Variants in AP3B2 observed in about 807,000 individuals in gnomAD.
AP3B2 encodes adaptor related protein complex 3 subunit beta 2, also known as AP-3 complex subunit beta-2.
Under a neutral mutation model 126.9 loss-of-function variants are expected in AP3B2, and 50 were observed. The observed-to-expected ratio is 0.39, with a 90% CI of 0.31 to 0.50. The LOEUF (loss-of-function observed/expected upper bound fraction) is 0.50, where lower values mean the gene tolerates loss of function less well. Ranked by LOEUF, AP3B2 falls within the 20% of genes least tolerant of loss-of-function variation. The probability of loss-of-function intolerance (pLI) is 0.79; values close to 1 mark genes in which losing one functional copy is unlikely to be tolerated. For missense variants in AP3B2, 1,177 were observed against 1,426.4 expected, an observed-to-expected ratio of 0.83 and a Z score of 2.82; for synonymous variants, 541 against 565.0, an observed-to-expected ratio of 0.96 and a Z score of 0.60.
At position 82,680,389 on chromosome 15, in the gene AP3B2, G is replaced by T; in HGVS notation, c.1055+83C>A. 2 of 1,453,664 alleles carry T rather than the reference G, an allele frequency of 1.4e-6. No homozygotes were observed. Among genetic ancestry groups the T allele is most frequent in the Non-Finnish European group, 9.1e-7 (1 of 1,096,680 alleles). The allele number at this position is 1,453,664 out of a possible 1,614,324, so 90.0% of individuals were successfully genotyped here. A position where few individuals can be genotyped will look rare whatever the true frequency, so the allele number is the denominator to read the frequency against. On this transcript the variant is annotated intron_variant, in intron 8 of 26. Transcript: ENST00000535359. The surrounding 1 kb of genome is among the most constrained non-coding windows in gnomAD (Gnocchi z 6.1). Reference sequence around the variant, plus strand: ...GGGTGGGCAGAGGTGGAAGCGGCTGGTGGGCGTGAGGGGGCGGAGCCGGGC... The same window carrying T: ...GGGTGGGCAGAGGTGGAAGCGGCTGTTGGGCGTGAGGGGGCGGAGCCGGGC...
Position 82,680,518 on chromosome 15 carries a change from C to G in AP3B2, c.1009G>C (p.Val337Leu). The G allele has an allele frequency of 6.5e-7, 1 of 1,538,372 alleles. No homozygotes were observed. The highest frequency in any genetic ancestry group is 8.7e-7 in the Non-Finnish European group (1 of 1,148,022). Residue 337 changes from valine (V) to leucine (L), a missense_variant, in exon 8 of 27, where the codon GTG becomes CTG. This residue lies in a region of AP3B2 where 308 missense variants were observed against 452.4 expected (regional missense o/e 0.68). Coordinates refer to ENST00000535359, the MANE Select transcript of AP3B2 (RefSeq NM_001278512.2). This position sits in a 1 kb window ranked among gnomAD's most constrained non-coding sequence, Gnocchi z 6.1. Reference protein sequence around the residue: ...LYFHLAPKAEVGVIAKALVRL... With the variant: ...LYFHLAPKAELGVIAKALVRL... ...ACCAGCGCCTTGGCGATGACGCCCACTTCCGCCTTGGGCGCCAGGTGGAAG... is the reference window on the plus strand; with the variant it reads ...ACCAGCGCCTTGGCGATGACGCCCAGTTCCGCCTTGGGCGCCAGGTGGAAG...
At chr15:82,709,361 C>A (rs1021313155) in intron 1 of AP3B2, among the ~76,000 whole-genome samples, 1 of 152,090 alleles carries the variant, frequency 6.6e-6, no homozygotes, top group Admixed American at 6.5e-5. Flanking sequence ...GCCCATCCCC[C>A]GCCAGCCCCT....
At chr15:82,678,655 G>C (rs927531607) in intron 10 of AP3B2, among the ~76,000 whole-genome samples, 1 of 152,160 alleles carries the variant, frequency 6.6e-6, no homozygotes, top group African/African-American at 2.4e-5. Flanking sequence ...TCAGGCTTCA[G>C]CTCAAGTCTC....
At position 82,665,284 on chromosome 15, in the gene AP3B2, A is replaced by T; in HGVS notation, c.1991T>A (p.Ile664Asn). Residue 664 changes from isoleucine to asparagine, a missense_variant, in exon 17 of 27, where the codon ATT becomes AAT. Ile to Asn is a moderately radical substitution (Grantham distance 149). Coordinates refer to ENST00000535359, the MANE Select transcript of AP3B2 (RefSeq NM_001278512.2). This position sits in a 1 kb window ranked among gnomAD's most constrained non-coding sequence, Gnocchi z 4.4. ...RNVEEEDLSLIETHVGLLGEY... is the reference protein window; with the variant it reads ...RNVEEEDLSLNETHVGLLGEY... ...GCCCAACAGGCCCACGTGAGTCTCAATAAGGGAGAGATCTTCTTCCTGTGT... is the reference window on the plus strand; with the variant it reads ...GCCCAACAGGCCCACGTGAGTCTCATTAAGGGAGAGATCTTCTTCCTGTGT... The T allele has an allele frequency of 6.4e-7, 1 of 1,550,522 alleles. No individual in the cohort carries two copies. The highest frequency in any genetic ancestry group is 8.7e-7 in the Non-Finnish European group (1 of 1,155,116).
intron 1 of AP3B2, among the ~76,000 whole-genome samples, chr15:82,691,527 C>T (rs1459962871): frequency 6.6e-6 from 1 of 151,948 alleles, no homozygotes; most frequent in Non-Finnish European, 1.5e-5. Context: ...TGAACCAAAA[C>T]CACAATTTCT....
At chr15:82,701,154 C>T (rs946156900) in intron 1 of AP3B2, among the ~76,000 whole-genome samples, 1 of 152,186 alleles carries the variant, frequency 6.6e-6, no homozygotes, top group Non-Finnish European at 1.5e-5. Flanking sequence ...AGCCACTGTA[C>T]CCAGTCTCCA....
chr15:82,688,674 C>A (rs781420847), intron 4 of AP3B2, 62 bp downstream of exon 4: 2 of 1,465,692 alleles, frequency 1.4e-6, no homozygotes, highest in South Asian at 2.4e-5. Flanking sequence ...CTCCCCAGGC[C>A]TACTCCTCCG....
Position 82,677,688 on chromosome 15 carries a change from A to C in AP3B2, c.1361T>G (p.Leu454Arg). 1 of 1,570,910 alleles carries C rather than the reference A, an allele frequency of 6.4e-7. No individual in the cohort carries two copies. The highest frequency in any genetic ancestry group is 1.9e-5 in the Admixed American group (1 of 53,718). Residue 454 changes from leucine (L) to arginine (R), a missense_variant, in exon 12 of 27, where the codon CTG becomes CGG. This residue lies in a region of AP3B2 where 308 missense variants were observed against 452.4 expected (regional missense o/e 0.68). Coordinates refer to ENST00000535359, the MANE Select transcript of AP3B2 (RefSeq NM_001278512.2). ...ACACTGACCATCACGGTTGGACAGC[A>C]GCTGCACCAGGCCATTGAGGCAGGT... Reference protein sequence around the residue: ...RDTCLNGLVQLLSNRDELVVA... With the variant: ...RDTCLNGLVQRLSNRDELVVA...
At chr15:82,669,844 A>T (rs2048118458) in intron 14 of AP3B2, among the ~76,000 whole-genome samples, 1 of 149,334 alleles carries the variant, frequency 6.7e-6, no homozygotes, top group Non-Finnish European at 1.5e-5. Flanking sequence ...TCTACTAAAA[A>T]TACAAAATTA....
rs1393212872 is a variant in AP3B2 at position 82,681,171 on chromosome 15, A to G, written c.529T>C (p.Ser177Pro). The G allele has an allele frequency of 6.2e-7, 1 of 1,611,664 alleles. No individual in the cohort carries two copies. Among genetic ancestry groups the G allele is most frequent in the Non-Finnish European group, 8.5e-7 (1 of 1,178,904 alleles). Residue 177 changes from serine (S) to proline (P), a missense_variant, in exon 6 of 27, where the codon TCT (serine) becomes CCT (proline). By Grantham distance (74) the Ser-to-Pro change is moderately conservative. This residue lies in a region of AP3B2 where 130 missense variants were observed against 262.0 expected (regional missense o/e 0.50). Transcript: ENST00000535359. The surrounding 1 kb of genome is among the most constrained non-coding windows in gnomAD (Gnocchi z 4.0). ...HAIPKLYSLD[S>P]DQKDQLIEVI... ...TCTATCAGCTGATCCTTCTGGTCAG[A>G]GTCCAAACTGAGGGAGAAATCGGTG...
At chr15:82,666,292 T>C (rs2048056676) in intron 15 of AP3B2, among the ~76,000 whole-genome samples, 1 of 152,236 alleles carries the variant, frequency 6.6e-6, no homozygotes, top group Non-Finnish European at 1.5e-5. Context: ...GCTGAAGCCC[T>C]GGGGCCTGGG....
chr15:82,677,532 G>T, intron 12 of AP3B2, 139 bp downstream of exon 12: 1 of 1,385,104 alleles, frequency 7.2e-7, no homozygotes, highest in Non-Finnish European at 9.8e-7. Flanking sequence ...AGGAACACTT[G>T]GGCCCTGATC....
At chr15:82,685,723 A>G (rs2048415017) in intron 4 of AP3B2, 1 of 152,140 alleles carries the variant, frequency 6.6e-6, no homozygotes, top group African/African-American at 2.4e-5. Context: ...AGGCCGGTGG[A>G]TATTAGTATC....
intron 1 of AP3B2, among the ~76,000 whole-genome samples, chr15:82,693,185 C>A (rs1419083883): frequency 7.1e-6 from 1 of 140,166 alleles, no homozygotes; most frequent in Non-Finnish European, 1.5e-5. Flanking sequence ...AGAATCTCCC[C>A]CCGCCCCCAC....
chr15:82,664,798 C>T lies in AP3B2; in HGVS notation c.2137+37G>A, dbSNP rs926164112. 3 of 1,466,846 alleles carry T rather than the reference C, an allele frequency of 2.0e-6. No homozygotes were observed. In the African/African-American group the frequency reaches 4.2e-5, roughly 20 times the overall value. 90.9% of individuals were successfully genotyped at this position (1,466,846 alleles called of 1,614,324 possible). Reference sequence around the variant, plus strand: ...ATAGTCAGTCACACAGATGCATGGGCAGAGCACAGAGGACCCCAGCTCTGC... The same window carrying T: ...ATAGTCAGTCACACAGATGCATGGGTAGAGCACAGAGGACCCCAGCTCTGC... On this transcript the variant is annotated intron_variant, in intron 18 of 26. Coordinates refer to ENST00000535359, the MANE Select transcript of AP3B2 (RefSeq NM_001278512.2). This position sits in a 1 kb window ranked among gnomAD's most constrained non-coding sequence, Gnocchi z 4.5.
intron 10 of AP3B2, 79 bp downstream of exon 10, chr15:82,679,650 G>A (rs897465110): frequency 2.2e-6 from 3 of 1,345,560 alleles, no homozygotes; most frequent in African/African-American, 2.9e-5. Context: ...AGGCACCAGG[G>A]GGGCCACTGT....
rs2048309862 is a variant in AP3B2 at position 82,680,139 on chromosome 15, T to G, written c.1110+36A>C. ...CCTCCAGTGCCCGCAGAAGCGGCCC[T>G]CGGACAGCGAGGACAGCCCGCCGTC... On this transcript the variant is annotated intron_variant, in intron 9 of 26. Coordinates refer to ENST00000535359, the MANE Select transcript of AP3B2 (RefSeq NM_001278512.2). The surrounding 1 kb of genome is among the most constrained non-coding windows in gnomAD (Gnocchi z 6.1). 6.2e-7 allele frequency: 1 copy of G among 1,611,924 alleles called. No homozygotes were observed.
intron 25 of AP3B2, among the ~76,000 whole-genome samples, chr15:82,661,313 C>T (rs1785153617): frequency 1.3e-5 from 2 of 152,168 alleles, no homozygotes; most frequent in South Asian, 4.1e-4. Context: ...TTCCCAAATG[C>T]ATTTCAAAAT....
At chr15:82,684,743 C>G (rs1203119465) in intron 4 of AP3B2, among the ~76,000 whole-genome samples, 1 of 152,138 alleles carries the variant, frequency 6.6e-6, no homozygotes, top group Non-Finnish European at 1.5e-5. Flanking sequence ...CCTCCTGCCT[C>G]GGCCTCCCAA....
Sources: allele counts gnomAD v4.1 joint callset (sites outside exome capture counted in the v4.1 genomes callset), GRCh38; gene constraint gnomAD v4.1.1; regional missense constraint gnomAD v4.1.1; non-coding constraint Gnocchi (gnomAD v3.1); transcripts MANE v1.5; gene names NCBI Gene and HGNC (gene_info 2026-07-23, HGNC 2026-07-21).